Variants in IQGAP2 observed in about 807,000 individuals in gnomAD.
IQGAP2 encodes ras GTPase-activating-like protein IQGAP2.
IQGAP2 carries 173 observed loss-of-function variants against 201.3 expected under a neutral mutation model. The observed-to-expected ratio is 0.86, with a 90% CI of 0.76 to 0.98. IQGAP2 has a LOEUF of 0.98. Among genes scored for constraint, IQGAP2 ranks in the 50% least tolerant of loss-of-function variants. IQGAP2 has a pLI of 0.00. For synonymous variants in IQGAP2, 675 were observed against 673.9 expected, an observed-to-expected ratio of 1.00 and a Z score of -0.03; for missense variants, 1,687 against 1,864.8, an observed-to-expected ratio of 0.90 and a Z score of 1.76.
chr5:76,404,852 C>A (rs1182248982), intron 1 of IQGAP2, among the ~76,000 whole-genome samples: 5 of 149,526 alleles, frequency 3.3e-5, no homozygotes, highest in Non-Finnish European at 4.5e-5. Context: ...AGAGGGAACG[C>A]TGTGCTCATT....
intron 13 of IQGAP2, chr5:76,618,372 T>C (rs1279187076): frequency 1.2e-6 from 2 of 1,614,206 alleles, no homozygotes; most frequent in Non-Finnish European, 1.7e-6. Context: ...GGTCACAGCA[T>C]TGGCCGGGAC....
chr5:76,410,632 A>G (rs1751056886), intron 1 of IQGAP2, among the ~76,000 whole-genome samples: 1 of 152,212 alleles, frequency 6.6e-6, no homozygotes, highest in South Asian at 2.1e-4. Flanking sequence ...GAGAACAGGT[A>G]AGAAAATGAG....
intron 1 of IQGAP2, among the ~76,000 whole-genome samples, chr5:76,407,841 A>G (rs565766540): frequency 6.6e-6 from 1 of 152,168 alleles, no homozygotes; most frequent in African/African-American, 2.4e-5. Flanking sequence ...AGCCCCTTCT[A>G]TTTAAAAGGC....
rs768207813 is a variant in IQGAP2, at chr5:76,665,180, G to A, written c.2679+5G>A. 2.5e-6 allele frequency: 4 copies of A among 1,610,070 alleles called. No homozygotes were observed. Among genetic ancestry groups the A allele is most frequent in the Non-Finnish European group, 3.4e-6 (4 of 1,178,406 alleles). ...CAGCTGTTTTACCTTTTACAGGTGAGAACAATTTATCGTTCACTCTGAGTT... is the reference window on the plus strand; with the variant it reads ...CAGCTGTTTTACCTTTTACAGGTGAAAACAATTTATCGTTCACTCTGAGTT... On this transcript the variant is annotated splice_donor_5th_base_variant and intron_variant, in intron 22 of 35. Transcript: ENST00000274364.
At chr5:76,533,538 A>T (rs1306203362) in intron 2 of IQGAP2, among the ~76,000 whole-genome samples, 1 of 110,534 alleles carries the variant, frequency 9.0e-6, no homozygotes, top group Non-Finnish European at 1.9e-5. Flanking sequence ...TTATATATAT[A>T]TATTTTTTTA....
At chr5:76,668,308 T>C (rs865955170) in intron 22 of IQGAP2, among the ~76,000 whole-genome samples, 1 of 152,098 alleles carries the variant, frequency 6.6e-6, no homozygotes, top group Non-Finnish European at 1.5e-5. Context: ...ATGTTAAGTG[T>C]ATCATATAGT....
chr5:76,459,767 TAGCTGGGATTAC>T (rs1192503885), intron 1 of IQGAP2, among the ~76,000 whole-genome samples: 1 of 152,064 alleles, frequency 6.6e-6, no homozygotes, highest in Non-Finnish European at 1.5e-5. Context: ...GCCTCCTGAG[TAGCTGGGATTAC>T]AGCTGGGATT....
chr5:76,629,312 A>C (rs941454442), intron 14 of IQGAP2, among the ~76,000 whole-genome samples: 1 of 152,218 alleles, frequency 6.6e-6, no homozygotes, highest in African/African-American at 2.4e-5. Flanking sequence ...ATTTGCATGA[A>C]GACTTGAAAT....
At position 76,610,951 on chromosome 5, in the gene IQGAP2, C is replaced by T. The variant is rs1294880163; in HGVS notation, c.1358-69C>T. On this transcript the variant is annotated intron_variant, in intron 12 of 35. Coordinates refer to ENST00000274364, the MANE Select transcript of IQGAP2 (RefSeq NM_006633.5). Reference sequence around the variant, plus strand: ...GCTGTACTAGTTAATTAGCCTTTTGCAATCGGTGATACTAAAGAAGTTATA... The same window carrying T: ...GCTGTACTAGTTAATTAGCCTTTTGTAATCGGTGATACTAAAGAAGTTATA... The T allele has an allele frequency of 4.5e-6, 6 of 1,320,228 alleles. No homozygotes were observed. In the African/African-American group the frequency reaches 8.8e-5, roughly 19 times the overall value. The allele number at this position is 1,320,228 out of a possible 1,614,324, so 81.8% of individuals were successfully genotyped here. A position where few individuals can be genotyped will look rare whatever the true frequency, so the allele number is the denominator to read the frequency against.
chr5:76,526,962 A>G (rs1330773036), intron 2 of IQGAP2, among the ~76,000 whole-genome samples: 1 of 152,190 alleles, frequency 6.6e-6, no homozygotes, highest in Non-Finnish European at 1.5e-5. Context: ...GATGCTGGGC[A>G]GCTCTTCCTT....
intron 2 of IQGAP2, among the ~76,000 whole-genome samples, chr5:76,544,218 A>G (rs959169448): frequency 6.6e-6 from 1 of 152,168 alleles, no homozygotes; most frequent in African/African-American, 2.4e-5. Context: ...ACTGACTTCT[A>G]AGATAAGAAC....
chr5:76,650,137 A>C (rs1752402507), intron 17 of IQGAP2, among the ~76,000 whole-genome samples: 1 of 152,222 alleles, frequency 6.6e-6, no homozygotes, highest in African/African-American at 2.4e-5. Flanking sequence ...GGCTGCTGTG[A>C]AGGTCTAAAG....
At chr5:76,432,982 A>C (rs1192296909) in intron 1 of IQGAP2, among the ~76,000 whole-genome samples, 1 of 152,192 alleles carries the variant, frequency 6.6e-6, no homozygotes, top group East Asian at 1.9e-4. Context: ...TTATTTAAGT[A>C]GTCAGGGTCC....
chr5:76,549,896 T>C (rs1580431838), intron 2 of IQGAP2, among the ~76,000 whole-genome samples: 1 of 152,244 alleles, frequency 6.6e-6, no homozygotes, highest in African/African-American at 2.4e-5. Context: ...ACATATAAAT[T>C]TGGGGAGGGG....
intron 12 of IQGAP2, chr5:76,609,121 C>T: frequency 6.5e-7 from 1 of 1,535,818 alleles, no homozygotes; most frequent in Non-Finnish European, 8.7e-7. Flanking sequence ...AGAAACGCAG[C>T]AGACAGCAAC....
At chr5:76,663,509 T>C (rs886575672) in intron 21 of IQGAP2, among the ~76,000 whole-genome samples, 3 of 152,166 alleles carry the variant, frequency 2.0e-5, no homozygotes, top group African/African-American at 7.2e-5. Context: ...TGAAATCAAT[T>C]TAGTGTGTCA....
intron 33 of IQGAP2, chr5:76,699,616 TCTC>T (rs1747096108): frequency 1.5e-5 from 1 of 64,566 alleles, no homozygotes; most frequent in African/African-American, 5.9e-5. Flanking sequence ...TCTCTCTCTC[TCTC>T]TCTCTCTCTC....
intron 1 of IQGAP2, among the ~76,000 whole-genome samples, chr5:76,430,832 G>A (rs1752326539): frequency 6.6e-6 from 1 of 152,156 alleles, no homozygotes; most frequent in Admixed American, 6.5e-5. Flanking sequence ...ATATTGTGAA[G>A]AATTAATGAA....
intron 2 of IQGAP2, among the ~76,000 whole-genome samples, chr5:76,493,209 T>C (rs1756669169): frequency 6.6e-6 from 1 of 151,942 alleles, no homozygotes; most frequent in Non-Finnish European, 1.5e-5. Flanking sequence ...TTCCCCACAC[T>C]CACGGTGGCT....
Sources: allele counts gnomAD v4.1 joint callset (sites outside exome capture counted in the v4.1 genomes callset), GRCh38; gene constraint gnomAD v4.1.1; transcripts MANE v1.5; gene names NCBI Gene and HGNC (gene_info 2026-07-23, HGNC 2026-07-21).